The following GFOD1 variants were observed in gnomAD, a reference collection of about 807,000 sequenced individuals.
GFOD1 encodes the protein glucose-fructose oxidoreductase domain-containing protein 1.
A neutral mutation model predicts 25.4 loss-of-function variants in GFOD1; 9 were observed. The ratio of observed to expected loss-of-function variants is 0.35; its 90% CI spans 0.21 to 0.62. GFOD1 has a LOEUF of 0.62. Ranked by LOEUF, GFOD1 falls within the 20% of genes least tolerant of loss-of-function variation. GFOD1 has a pLI of 0.72. For missense variants in GFOD1, 403 were observed against 556.9 expected (o/e 0.72, Z 2.78); for synonymous variants, 253 against 245.6 (o/e 1.03, Z -0.28).
Position 13,486,619 on chromosome 6 carries a change from C to A in GFOD1, c.253+19G>T, listed in dbSNP as rs777772483. 15 of 1,601,984 alleles carry A rather than the reference C, an allele frequency of 9.4e-6. No individual in the cohort carries two copies. Among genetic ancestry groups the A allele is most frequent in the Non-Finnish European group, 1.3e-5 (15 of 1,173,444 alleles). On this transcript the variant is annotated intron_variant, in intron 1 of 1. Transcript: ENST00000379287. ...AAGGGCGGGGGTGGGACGGAGGATG[C>A]GGGGTAGGGGTCGCTCACCTAGGGT...
Position 13,401,127 on chromosome 6 carries a change from T to C in GFOD1, c.254-35465A>G, listed in dbSNP as rs556422765. ...TTTAAGGAGGATGTCTGACTATAGA[T>C]GTTAGCCTGTGTGAGGTGACAGACT... On this transcript the variant is annotated intron_variant, in intron 1 of 1. Coordinates refer to ENST00000379287, the MANE Select transcript of GFOD1 (RefSeq NM_018988.4). Among the ~76,000 whole-genome samples, 4 of 152,296 alleles carry C rather than the reference T, an allele frequency of 2.6e-5. No homozygotes were observed. In the South Asian group the frequency reaches 8.3e-4, roughly 32 times the overall value.
At position 13,407,860 on chromosome 6, in the gene GFOD1, T is replaced by G. The variant is rs746659688; in HGVS notation, c.254-42198A>C. On this transcript the variant is annotated intron_variant, in intron 1 of 1. Transcript: ENST00000379287. Reference sequence around the variant, plus strand: ...ACCCTTTGTTTAATGTAGACGGTGATGAAATAAATAGGGTGACTCCATCTC... The same window carrying G: ...ACCCTTTGTTTAATGTAGACGGTGAGGAAATAAATAGGGTGACTCCATCTC... 20 of 541,446 alleles carry G rather than the reference T, an allele frequency of 3.7e-5. No homozygotes were observed. The Admixed American group carries it at 3.8e-4, about 10-fold the overall frequency. 33.5% of individuals were successfully genotyped at this position (541,446 alleles called of 1,614,324 possible).
chr6:13,428,719 G>C (rs1044617480), intron 1 of GFOD1, among the ~76,000 whole-genome samples: 1 of 152,142 alleles, frequency 6.6e-6, no homozygotes, highest in African/African-American at 2.4e-5. Flanking sequence ...GGCGGCAGGA[G>C]TACTGCTTTT....
At chr6:13,415,821 G>C (rs1207613602) in intron 1 of GFOD1, among the ~76,000 whole-genome samples, 2 of 152,170 alleles carry the variant, frequency 1.3e-5, no homozygotes, top group Non-Finnish European at 2.9e-5. Flanking sequence ...TATGGTGACT[G>C]GTGTCTAGTT....
intron 1 of GFOD1, among the ~76,000 whole-genome samples, chr6:13,465,405 T>C (rs1758362666): frequency 6.6e-6 from 1 of 152,202 alleles, no homozygotes. Context: ...AGCATCAGCA[T>C]GCCCTGGAAG....
chr6:13,416,601 G>A (rs1335703655), intron 1 of GFOD1, among the ~76,000 whole-genome samples: 4 of 152,198 alleles, frequency 2.6e-5, no homozygotes, highest in Admixed American at 6.5e-5. Flanking sequence ...CATTTGGTGA[G>A]GGGGAGAGCT....
chr6:13,409,503 C>T (rs552310071), intron 1 of GFOD1, among the ~76,000 whole-genome samples: 12 of 152,218 alleles, frequency 7.9e-5, no homozygotes, highest in East Asian at 5.8e-4. Context: ...ATTTTAGTTA[C>T]GTCTTTATGC....
At position 13,389,768 on chromosome 6, in the gene GFOD1, T is replaced by C. The variant is rs940648112; in HGVS notation, c.254-24106A>G. On this transcript the variant is annotated intron_variant, in intron 1 of 1. Transcript: ENST00000379287. ...CCTAGAACTTAAAGTATAATGATAA[T>C]AAAAAATCTAACGCCCCTTTCCAAA... is the stretch of plus-strand genomic sequence containing the variant. Among the ~76,000 whole-genome samples, 3 of 152,068 alleles carry C rather than the reference T, an allele frequency of 2.0e-5. No individual in the cohort carries two copies. The East Asian group carries it at 5.8e-4, about 29-fold the overall frequency.
intron 1 of GFOD1, among the ~76,000 whole-genome samples, chr6:13,463,187 A>G (rs768580484): frequency 1.3e-5 from 2 of 152,194 alleles, no homozygotes; most frequent in Non-Finnish European, 2.9e-5. Flanking sequence ...GGCTTTCCAG[A>G]CCACCGGAAT....
chr6:13,417,084 C>T lies in GFOD1; in HGVS notation c.254-51422G>A, dbSNP rs572310754. Among the ~76,000 whole-genome samples the T allele has an allele frequency of 1.1e-4, 16 of 152,258 alleles. No individual in the cohort carries two copies. The East Asian group carries it at 2.9e-3, about 28-fold the overall frequency. On this transcript the variant is annotated intron_variant, in intron 1 of 1. Transcript: ENST00000379287. ...ATCAATTAGTCAACTTCTTTAAAAC[C>T]ATTATAAACACTGCACAATGTGCTA...
At chr6:13,437,487 G>C (rs191563559) in intron 1 of GFOD1, among the ~76,000 whole-genome samples, 1 of 152,236 alleles carries the variant, frequency 6.6e-6, no homozygotes, top group Non-Finnish European at 1.5e-5. Context: ...CTTGAAATGT[G>C]GTTAGTGCAA....
intron 1 of GFOD1, among the ~76,000 whole-genome samples, chr6:13,460,458 A>T (rs955279913): frequency 4.6e-5 from 7 of 152,252 alleles, no homozygotes; most frequent in Non-Finnish European, 8.8e-5. Context: ...TGGTACATAT[A>T]CACCATGGAA....
At chr6:13,428,512 TGCG>T (rs1562216289) in intron 1 of GFOD1, among the ~76,000 whole-genome samples, 1 of 51,068 alleles carries the variant, frequency 2.0e-5, no homozygotes, top group Non-Finnish European at 1.2e-4. Flanking sequence ...CCCAGTGCGA[TGCG>T]ATGCGCTGGC....
chr6:13,385,788 C>T (rs750550040), intron 1 of GFOD1, among the ~76,000 whole-genome samples: 2 of 152,144 alleles, frequency 1.3e-5, no homozygotes, highest in African/African-American at 2.4e-5. Flanking sequence ...GGGCTTAAAG[C>T]CCACAGAATG....
At chr6:13,484,146 TGTAGGGTCCCTACAAA>T (rs908007647) in intron 1 of GFOD1, among the ~76,000 whole-genome samples, 45 of 152,248 alleles carry the variant, frequency 3.0e-4, no homozygotes, top group Middle Eastern at 3.4e-3. Flanking sequence ...GACCACACTT[TGTAGGGTCCCTACAAA>T]GTAGGGTCCC....
chr6:13,452,909 C>G (rs1037287201), intron 1 of GFOD1, among the ~76,000 whole-genome samples: 6 of 152,220 alleles, frequency 3.9e-5, no homozygotes, highest in African/African-American at 1.2e-4. Context: ...TCTAGTTAGA[C>G]AGTCCCACCA....
At chr6:13,444,450 A>C (rs1216089184) in intron 1 of GFOD1, among the ~76,000 whole-genome samples, 1 of 151,996 alleles carries the variant, frequency 6.6e-6, no homozygotes, top group Non-Finnish European at 1.5e-5. Context: ...AATCTGTATG[A>C]CAAACCCTTG....
At chr6:13,450,601 A>C (rs550169627) in intron 1 of GFOD1, among the ~76,000 whole-genome samples, 1 of 152,282 alleles carries the variant, frequency 6.6e-6, no homozygotes, top group Admixed American at 6.5e-5. Flanking sequence ...TCCCCCAGCA[A>C]ATAGCAGTGG....
intron 1 of GFOD1, among the ~76,000 whole-genome samples, chr6:13,480,651 T>C (rs555722762): frequency 6.6e-6 from 1 of 152,168 alleles, no homozygotes; most frequent in Non-Finnish European, 1.5e-5. Context: ...ACTACAGGCA[T>C]GCACCATCAT....
Sources: allele counts gnomAD v4.1 joint callset (sites outside exome capture counted in the v4.1 genomes callset), GRCh38; gene constraint gnomAD v4.1.1; transcripts MANE v1.5; gene names NCBI Gene and HGNC (gene_info 2026-07-23, HGNC 2026-07-21).